Variants in ARL14EP observed in about 807,000 individuals in gnomAD.
The protein encoded by ARL14EP is ARL14 effector protein.
In ARL14EP, 12 loss-of-function variants were observed where a neutral mutation model predicts 23.1. The observed-to-expected ratio is 0.52, with a 90% CI of 0.33 to 0.84. ARL14EP has a LOEUF of 0.84. Ranked by LOEUF, ARL14EP falls within the 40% of genes least tolerant of loss-of-function variation. ARL14EP has a pLI of 0.02. For missense variants in ARL14EP, 253 were observed against 307.3 expected, an observed-to-expected ratio of 0.82 and a Z score of 1.32; for synonymous variants, 97 against 102.0, an observed-to-expected ratio of 0.95 and a Z score of 0.29.
chr11:30,333,468 C>T (rs1947302556), intron 3 of ARL14EP, among the ~76,000 whole-genome samples: 1 of 151,988 alleles, frequency 6.6e-6, no homozygotes, highest in Admixed American at 6.6e-5. Flanking sequence ...ATATTTCCAG[C>T]TTTTTCATTA....
chr11:30,335,797 T>TGA (rs1417181315), intron 3 of ARL14EP, among the ~76,000 whole-genome samples: 3 of 151,828 alleles, frequency 2.0e-5, no homozygotes, highest in Non-Finnish European at 4.4e-5. Flanking sequence ...TGTGTGTGTG[T>TGA]GTGACTCACT....
chr11:30,335,333 T>C (rs1947322552), intron 3 of ARL14EP, among the ~76,000 whole-genome samples: 1 of 152,164 alleles, frequency 6.6e-6, no homozygotes. Flanking sequence ...ATTACTGAAA[T>C]GACAAAGGAC....
intron 3 of ARL14EP, among the ~76,000 whole-genome samples, chr11:30,334,667 T>G (rs1590670338): frequency 6.6e-6 from 1 of 152,196 alleles, no homozygotes; most frequent in African/African-American, 2.4e-5. Context: ...TATTTACCTC[T>G]TCGAAATCCT....
intron 3 of ARL14EP, among the ~76,000 whole-genome samples, chr11:30,335,673 A>C (rs1014091771): frequency 6.6e-6 from 1 of 150,804 alleles, no homozygotes; most frequent in African/African-American, 2.5e-5. Flanking sequence ...ATTAAGGTAC[A>C]TACATTTTTT....
intron 3 of ARL14EP, 116 bp downstream of exon 3, chr11:30,333,109 G>A: frequency 7.3e-7 from 1 of 1,364,564 alleles, no homozygotes; most frequent in Non-Finnish European, 1.0e-6. Flanking sequence ...GGATAATGTA[G>A]AATTAGTAAA....
chr11:30,332,521 G>A (rs1947293796), intron 2 of ARL14EP, among the ~76,000 whole-genome samples: 9 of 152,048 alleles, frequency 5.9e-5, no homozygotes, highest in Admixed American at 5.9e-4. Context: ...GGATTGTTAG[G>A]AAATCAGTTA....
chr11:30,335,949 T>C (rs898073730), intron 3 of ARL14EP, among the ~76,000 whole-genome samples: 1 of 152,156 alleles, frequency 6.6e-6, no homozygotes, highest in Non-Finnish European at 1.5e-5. Flanking sequence ...ATGTCTGAAA[T>C]AGAAATGCAG....
Position 30,337,632 on chromosome 11 carries a change from G to GT in ARL14EP, c.*839dup, listed in dbSNP as rs1291719848. 2 of 127,950 alleles carry GT rather than the reference G, an allele frequency of 1.6e-5. No homozygotes were observed. Among genetic ancestry groups the GT allele is most frequent in the Non-Finnish European group, 3.2e-5 (2 of 62,002 alleles). 7.9% of individuals were successfully genotyped at this position (127,950 alleles called of 1,614,324 possible). ...CAGATACGTCCCAGAGGAAGTGATG[G>GT]TTAAAAAAAAAAAACTTTACATTAA... On this transcript the variant is annotated 3_prime_UTR_variant, in exon 4 of 4. Transcript: ENST00000282032.
intron 1 of ARL14EP, among the ~76,000 whole-genome samples, chr11:30,327,289 G>A (rs1378605740): frequency 6.6e-6 from 1 of 151,876 alleles, no homozygotes; most frequent in Admixed American, 6.6e-5. Flanking sequence ...TAGTAATTTA[G>A]CCATGAATAA....
rs978599910 is a variant in ARL14EP at position 30,330,822 on chromosome 11, T to C, written c.-63-64T>C. 4.6e-6 allele frequency: 4 copies of C among 870,592 alleles called. No homozygotes were observed. The African/African-American group carries it at 6.8e-5, about 15-fold the overall frequency. The allele number at this position is 870,592 out of a possible 1,614,324, so 53.9% of individuals were successfully genotyped here. On this transcript the variant is annotated intron_variant, in intron 1 of 3. Transcript: ENST00000282032. ...TAGATAGGTGTTGAATTTTATCAAATGCTTTTTCAGTTTCCTAGATAAACT... is the reference window on the plus strand; with the variant it reads ...TAGATAGGTGTTGAATTTTATCAAACGCTTTTTCAGTTTCCTAGATAAACT...
At chr11:30,328,341 CAGTCT>C (rs1947257721) in intron 1 of ARL14EP, 1 of 151,992 alleles carries the variant, frequency 6.6e-6, no homozygotes, top group Non-Finnish European at 1.5e-5. Context: ...CTATGTTAGC[CAGTCT>C]AGTCTAGAAC....
At position 30,337,539 on chromosome 11, in the gene ARL14EP, G is replaced by C. The variant is rs944147706; in HGVS notation, c.*744G>C. On this transcript the variant is annotated 3_prime_UTR_variant, in exon 4 of 4. Coordinates refer to ENST00000282032, the MANE Select transcript of ARL14EP (RefSeq NM_152316.3). ...CCATGGGAATGTTGTTCTTGCTGCTGTGTATTCATAGGAGCTTAGTGAAGG... is the reference window on the plus strand; with the variant it reads ...CCATGGGAATGTTGTTCTTGCTGCTCTGTATTCATAGGAGCTTAGTGAAGG... 3 of 152,148 alleles carry C rather than the reference G, an allele frequency of 2.0e-5. No homozygotes were observed. The highest frequency in any genetic ancestry group is 7.2e-5 in the African/African-American group (3 of 41,428). 9.4% of individuals were successfully genotyped at this position (152,148 alleles called of 1,614,324 possible). A position where few individuals can be genotyped will look rare whatever the true frequency, so the allele number is the denominator to read the frequency against.
chr11:30,324,455 C>T (rs886139237), intron 1 of ARL14EP, among the ~76,000 whole-genome samples: 4 of 152,116 alleles, frequency 2.6e-5, no homozygotes, highest in Non-Finnish European at 4.4e-5. Context: ...CTGCATCTCC[C>T]CTACAAATTT....
In ARL14EP at chr11:30,323,599, G is replaced by A. The variant is rs192064620; in HGVS notation, c.-64+397G>A. Among the ~76,000 whole-genome samples the A allele has an allele frequency of 3.3e-5, 5 of 152,274 alleles. No individual in the cohort carries two copies. The East Asian group carries it at 9.7e-4, about 29-fold the overall frequency. On this transcript the variant is annotated intron_variant, in intron 1 of 3. Coordinates refer to ENST00000282032, the MANE Select transcript of ARL14EP (RefSeq NM_152316.3). ...TCAAATCAGAATCCTTTCAACCCTG[G>A]CCGTTTGAGGCCAAAGGCTAATGTT...
intron 1 of ARL14EP, among the ~76,000 whole-genome samples, chr11:30,325,081 G>A (rs145131580): frequency 7.5e-4 from 115 of 152,322 alleles, no homozygotes; most frequent in African/African-American, 2.6e-3. Context: ...CTTTTGCAAT[G>A]GGTAGAACCA....
At chr11:30,326,280 A>G (rs1236221567) in intron 1 of ARL14EP, among the ~76,000 whole-genome samples, 1 of 152,302 alleles carries the variant, frequency 6.6e-6, no homozygotes. Context: ...ATCCTGACTC[A>G]TTGGGTCTGG....
intron 1 of ARL14EP, among the ~76,000 whole-genome samples, chr11:30,326,148 CTATAAAA>C (rs1376464876): frequency 2.6e-5 from 4 of 152,164 alleles, no homozygotes; most frequent in African/African-American, 7.2e-5. Context: ...TTGCTATCTT[CTATAAAA>C]TATAGAAGAT....
Position 30,336,847 on chromosome 11 carries a change from G to T in ARL14EP, c.*52G>T. 6.8e-7 allele frequency: 1 copy of T among 1,459,888 alleles called. No individual in the cohort carries two copies. Among genetic ancestry groups the T allele is most frequent in the Non-Finnish European group, 9.6e-7 (1 of 1,044,544 alleles). The allele number at this position is 1,459,888 out of a possible 1,614,324, so 90.4% of individuals were successfully genotyped here. Reference sequence around the variant, plus strand: ...TAAAGGTCTTTATTTCTAAAAATCTGTTACTCTAAGATACATTTTAAGCTT... The same window carrying T: ...TAAAGGTCTTTATTTCTAAAAATCTTTTACTCTAAGATACATTTTAAGCTT... On this transcript the variant is annotated 3_prime_UTR_variant, in exon 4 of 4. Coordinates refer to ENST00000282032, the MANE Select transcript of ARL14EP (RefSeq NM_152316.3).
In ARL14EP at chr11:30,337,535, T is replaced by A. The variant is rs1432678765; in HGVS notation, c.*740T>A. On this transcript the variant is annotated 3_prime_UTR_variant, in exon 4 of 4. Transcript: ENST00000282032. Reference sequence around the variant, plus strand: ...CTGACCATGGGAATGTTGTTCTTGCTGCTGTGTATTCATAGGAGCTTAGTG... The same window carrying A: ...CTGACCATGGGAATGTTGTTCTTGCAGCTGTGTATTCATAGGAGCTTAGTG... 1 of 152,246 alleles carries A rather than the reference T, an allele frequency of 6.6e-6. No individual in the cohort carries two copies. Among genetic ancestry groups the A allele is most frequent in the Non-Finnish European group, 1.5e-5 (1 of 68,104 alleles). The allele number at this position is 152,246 out of a possible 1,614,324, so 9.4% of individuals were successfully genotyped here.
Sources: gnomAD v4.1 joint callset for allele counts (sites outside exome capture counted in the v4.1 genomes callset) on GRCh38, gnomAD v4.1.1 for gene constraint, MANE v1.5 for transcripts, NCBI Gene and HGNC (gene_info 2026-07-23, HGNC 2026-07-21) for gene names.